TFB2M: variants seen among roughly 807,000 people sequenced by gnomAD.
TFB2M encodes the protein dimethyladenosine transferase 2, mitochondrial.
TFB2M carries 44 observed loss-of-function variants against 41.3 expected under a neutral mutation model. That is an observed-to-expected ratio of 1.07 (90% CI 0.84 to 1.37). The LOEUF is 1.37. Among genes scored for constraint, TFB2M ranks in the 40% most tolerant of loss-of-function variants. The pLI is 0.00. For synonymous variants in TFB2M, 188 were observed against 176.8 expected (o/e 1.06, Z -0.50); for missense variants, 496 against 490.2 (o/e 1.01, Z -0.11).
At chr1:246,565,726 C>T (rs1470288530) in intron 1 of TFB2M, 100 bp downstream of exon 1, 3 of 1,324,176 alleles carry the variant, frequency 2.3e-6, no homozygotes, top group African/African-American at 2.9e-5. Flanking sequence ...AAAAGAACAA[C>T]AAAAAAGACC....
Position 246,565,830 on chromosome 1 carries a change from A to G in TFB2M, c.309T>C (p.Asn103=), listed in dbSNP as rs763568762. Residue 103 remains asparagine, a synonymous_variant, in exon 1 of 8, where the codon AAT becomes AAC. Transcript: ENST00000366514. The part of the protein sequence containing the change: ...SRPPHLLLEC[N]PGPGILTQAL... ...ATGCAATTCAGCTGGACTCACCTGG[A>G]TTGCACTCCAGCAGTAGGTGTGGAG... 1.6e-5 allele frequency: 26 copies of G among 1,598,636 alleles called. No homozygotes were observed. Among genetic ancestry groups the G allele is most frequent in the Non-Finnish European group, 2.2e-5 (26 of 1,166,874 alleles).
At chr1:246,544,243 C>T (rs1211184072) in intron 7 of TFB2M, among the ~76,000 whole-genome samples, 4 of 152,136 alleles carry the variant, frequency 2.6e-5, no homozygotes, top group African/African-American at 9.7e-5. Flanking sequence ...GCAGCTAGTG[C>T]TTCCTGTAAG....
At chr1:246,549,765 G>A (rs7517536) in intron 5 of TFB2M, among the ~76,000 whole-genome samples, 110,614 of 152,116 alleles carry the variant, frequency 0.73, 40,683 homozygotes, top group East Asian at 1. Context: ...ATTATTAACT[G>A]CAGGGGCAAT....
chr1:246,551,468 G>C (rs1410277246), intron 4 of TFB2M, among the ~76,000 whole-genome samples, 166 bp from the exon 5 acceptor site: 7 of 152,220 alleles, frequency 4.6e-5, no homozygotes, highest in African/African-American at 1.7e-4. Context: ...TGTAGTCCCA[G>C]CTACTCGAAA....
chr1:246,551,339 AT>A lies in TFB2M; in HGVS notation c.706-38del, dbSNP rs770902487. The A allele has an allele frequency of 5.9e-6, 8 of 1,362,110 alleles. No individual in the cohort carries two copies. In the African/African-American group the frequency reaches 1.1e-4, roughly 20 times the overall value. 84.4% of individuals were successfully genotyped at this position (1,362,110 alleles called of 1,614,324 possible). On this transcript the variant is annotated intron_variant, in intron 4 of 7. Transcript: ENST00000366514. ...AAAATAAAAATTACATGTTATACAC[AT>A]CTATAATCAATTAAAAACAAATGCT...
chr1:246,548,334 C>T (rs907369958), intron 6 of TFB2M, among the ~76,000 whole-genome samples: 1 of 152,088 alleles, frequency 6.6e-6, no homozygotes, highest in Non-Finnish European at 1.5e-5. Context: ...TGTTTTTAAG[C>T]CTATTACTAT....
In TFB2M at chr1:246,555,798, AT is replaced by A. The variant is rs200481766; in HGVS notation, c.705+774del. Among the ~76,000 whole-genome samples, 362 of 148,828 alleles carry A rather than the reference AT, an allele frequency of 2.4e-3. 2 individuals carry two copies. The highest frequency in any genetic ancestry group is 8.6e-3 in the African/African-American group (348 of 40,596). On this transcript the variant is annotated intron_variant, in intron 4 of 7. Coordinates refer to ENST00000366514, the MANE Select transcript of TFB2M (RefSeq NM_022366.3). ...AAACTGTAGTATATATATACAATAG[AT>A]TTTTTTTTTGAGACAAAGTCTTGCT...
At chr1:246,549,908 T>C (rs1232148778) in intron 5 of TFB2M, among the ~76,000 whole-genome samples, 1 of 152,140 alleles carries the variant, frequency 6.6e-6, no homozygotes, top group Admixed American at 6.6e-5. Flanking sequence ...ACACGCCTGG[T>C]CGAGCCTCAA....
At position 246,551,201 on chromosome 1, in the gene TFB2M, G is replaced by C. The variant is rs756933068; in HGVS notation, c.795+12C>G. ...AAAGAAAAACGTTTTTAAACAGAAGGATTTTACTCACCATGTGCAGAACCT... is the reference window on the plus strand; with the variant it reads ...AAAGAAAAACGTTTTTAAACAGAAGCATTTTACTCACCATGTGCAGAACCT... On this transcript the variant is annotated intron_variant, in intron 5 of 7. Coordinates refer to ENST00000366514, the MANE Select transcript of TFB2M (RefSeq NM_022366.3). 3 of 1,607,704 alleles carry C rather than the reference G, an allele frequency of 1.9e-6. No individual in the cohort carries two copies. The highest frequency in any genetic ancestry group is 2.2e-5 in the East Asian group (1 of 44,832).
At chr1:246,547,800 AC>A in intron 6 of TFB2M, among the ~76,000 whole-genome samples, 1 of 152,156 alleles carries the variant, frequency 6.6e-6, no homozygotes, top group African/African-American at 2.4e-5. Flanking sequence ...CCTGAGATAA[AC>A]TAAATGGAGG....
chr1:246,552,860 G>A lies in TFB2M; in HGVS notation c.706-1558C>T, dbSNP rs550739503. Among the ~76,000 whole-genome samples, 8 of 151,874 alleles carry A rather than the reference G, an allele frequency of 5.3e-5. No homozygotes were observed. In the East Asian group the frequency reaches 9.7e-4, roughly 18 times the overall value. On this transcript the variant is annotated intron_variant, in intron 4 of 7. Transcript: ENST00000366514. ...AGGCCGAGGGAGGAGGATCACTTAA[G>A]CCCAGGTGTTTGAGACCAGCCTGGG... is the stretch of plus-strand genomic sequence containing the variant.
intron 6 of TFB2M, among the ~76,000 whole-genome samples, chr1:246,547,106 C>T (rs1179479925): frequency 6.6e-6 from 1 of 151,884 alleles, no homozygotes; most frequent in African/African-American, 2.4e-5. Context: ...ACCTCAGCCT[C>T]CTGAGTAGCT....
At chr1:246,563,915 ATACT>A (rs1027828069) in intron 2 of TFB2M, among the ~76,000 whole-genome samples, 2 of 151,946 alleles carry the variant, frequency 1.3e-5, no homozygotes, top group Admixed American at 6.5e-5. Context: ...TTCAGATAAA[ATACT>A]TAATTTGTAT....
chr1:246,546,916 T>C (rs1659033832), intron 6 of TFB2M, among the ~76,000 whole-genome samples: 2 of 151,444 alleles, frequency 1.3e-5, no homozygotes, highest in South Asian at 2.1e-4. Flanking sequence ...TCATAAAATA[T>C]GACATTTGCT....
Position 246,541,093 on chromosome 1 carries a change from T to C in TFB2M, c.1129A>G (p.Ile377Val), listed in dbSNP as rs764556452. The C allele has an allele frequency of 6.8e-6, 11 of 1,614,060 alleles. No individual in the cohort carries two copies. Among genetic ancestry groups the C allele is most frequent in the African/African-American group, 2.7e-5 (2 of 74,944 alleles). ...PQDFKTLFET[I>V]ERSKDCAYKW... ...TAAGCACAATCTTTGGAACGCTCTATAGTTTCAAAAAGTGTTTTGAAGTCT... is the reference window on the plus strand; with the variant it reads ...TAAGCACAATCTTTGGAACGCTCTACAGTTTCAAAAAGTGTTTTGAAGTCT... The change falls in exon 8 of 8, where the codon ATA (isoleucine) becomes GTA (valine). Residue 377 changes from isoleucine (I) to valine (V), a missense_variant. Coordinates refer to ENST00000366514, the MANE Select transcript of TFB2M (RefSeq NM_022366.3).
intron 4 of TFB2M, among the ~76,000 whole-genome samples, chr1:246,554,307 C>T (rs781380306): frequency 7.2e-5 from 11 of 152,174 alleles, no homozygotes; most frequent in South Asian, 2.1e-4. Flanking sequence ...CCCCGGGCCA[C>T]GAACTGATAC....
rs575049840 is a variant in TFB2M at position 246,566,005 on chromosome 1, G to C, written c.134C>G (p.Ser45Cys). 3.1e-6 allele frequency: 5 copies of C among 1,614,208 alleles called. No individual in the cohort carries two copies. In the South Asian group the frequency reaches 4.4e-5, roughly 14 times the overall value. ...HLPARNHCGLSDSSPQLWPEP... is the reference protein window; with the variant it reads ...HLPARNHCGLCDSSPQLWPEP... Reference sequence around the variant, plus strand: ...GGGCCACAGCTGCGGAGAGGAGTCAGAGAGCCCACAGTGGTTCCTCGCCGG... The same window carrying C: ...GGGCCACAGCTGCGGAGAGGAGTCACAGAGCCCACAGTGGTTCCTCGCCGG... The change falls in exon 1 of 8, where the codon TCT (serine) becomes TGT (cysteine). Residue 45 changes from serine to cysteine, a missense_variant. Physicochemically the swap from Ser to Cys is moderately radical, Grantham distance 112. Transcript: ENST00000366514.
In TFB2M at chr1:246,557,406, T is replaced by A; in HGVS notation, c.531A>T (p.Gly177=). The change falls in exon 3 of 8, where the codon GGA becomes GGT. Residue 177 remains glycine (G), a synonymous_variant. Transcript: ENST00000366514. ...CTGCTGTCCAAGGAACTGCTTCTAT[T>A]CCCAAATTCTTAAAGAGCCCTCGAG... ...MSSRGLFKNL[G]IEAVPWTADI... is the part of the protein sequence containing the mutation. 6.2e-7 allele frequency: 1 copy of A among 1,612,548 alleles called. No homozygotes were observed. The highest frequency in any genetic ancestry group is 8.5e-7 in the Non-Finnish European group (1 of 1,179,608).
At chr1:246,546,037 G>A (rs1444714100) in intron 6 of TFB2M, among the ~76,000 whole-genome samples, 2 of 151,994 alleles carry the variant, frequency 1.3e-5, no homozygotes, top group African/African-American at 4.8e-5. Flanking sequence ...TCCCAGACAT[G>A]AGGCCGGGTT....
Sources: gnomAD v4.1 joint callset for allele counts (sites outside exome capture counted in the v4.1 genomes callset) on GRCh38, gnomAD v4.1.1 for gene constraint, MANE v1.5 for transcripts, NCBI Gene and HGNC (gene_info 2026-07-23, HGNC 2026-07-21) for gene names.